The following FUT8 variants were observed in gnomAD, a reference collection of about 807,000 sequenced individuals.
The protein encoded by FUT8 is fucosyltransferase 8.
FUT8 carries 29 observed loss-of-function variants against 71.3 expected under a neutral mutation model. The ratio of observed to expected loss-of-function variants is 0.41; its 90% CI spans 0.30 to 0.55. The LOEUF is 0.55. Among genes scored for constraint, FUT8 ranks in the 20% least tolerant of loss-of-function variants. The pLI, the probability that FUT8 is intolerant of heterozygous loss-of-function variation, is 0.34. For missense variants in FUT8, 544 were observed against 702.1 expected, an observed-to-expected ratio of 0.77 and a Z score of 2.55; for synonymous variants, 254 against 239.3, an observed-to-expected ratio of 1.06 and a Z score of -0.57.
chr14:65,359,973 C>T, the FUT8 span, among the ~76,000 whole-genome samples: 1 of 152,172 alleles, frequency 6.6e-6, no homozygotes, highest in Non-Finnish European at 1.5e-5. Context: ...GCTGGGATTA[C>T]AGGCACACAC....
the FUT8 span, among the ~76,000 whole-genome samples, chr14:65,380,979 G>T: frequency 2.6e-3 from 393 of 152,304 alleles, no homozygotes; most frequent in African/African-American, 8.8e-3. Context: ...AACCTCAGCT[G>T]CCATCCACTG....
chr14:65,554,648 G>T (rs1227196816), intron 2 of FUT8, among the ~76,000 whole-genome samples: 2 of 151,876 alleles, frequency 1.3e-5, no homozygotes, highest in African/African-American at 2.4e-5. Flanking sequence ...TTGTTTTTTT[G>T]TTGTGATTGT....
intron 6 of FUT8, among the ~76,000 whole-genome samples, chr14:65,632,445 G>A (rs1236768284): frequency 6.6e-6 from 1 of 152,236 alleles, no homozygotes; most frequent in African/African-American, 2.4e-5. Context: ...GTATTGCACT[G>A]TGGTTTTGAT....
At chr14:65,677,176 A>G (rs61987766) in intron 7 of FUT8, among the ~76,000 whole-genome samples, 3,075 of 71,860 alleles carry the variant, frequency 0.043, 47 homozygotes, top group South Asian at 0.058. Flanking sequence ...GCGCGCACGT[A>G]TGTGTGTGCG....
At chr14:65,366,947 A>C in the FUT8 span, among the ~76,000 whole-genome samples, 2 of 152,348 alleles carry the variant, frequency 1.3e-5, no homozygotes, top group South Asian at 4.1e-4. Flanking sequence ...CTGGAAAAGA[A>C]AATGTAGAGA....
intron 1 of FUT8, among the ~76,000 whole-genome samples, chr14:65,453,665 A>T (rs987851297): frequency 2.6e-5 from 4 of 152,144 alleles, no homozygotes; most frequent in African/African-American, 9.7e-5. Context: ...TGGAACTCAG[A>T]TGTCTCCAAG....
intron 7 of FUT8, among the ~76,000 whole-genome samples, chr14:65,707,314 T>C (rs112935468): frequency 1.5e-4 from 23 of 152,352 alleles, no homozygotes; most frequent in African/African-American, 5.5e-4. Context: ...TTGAGAAATA[T>C]CTGTTCAGAT....
intron 7 of FUT8, among the ~76,000 whole-genome samples, chr14:65,697,027 C>T (rs890011246): frequency 1.3e-5 from 2 of 152,192 alleles, no homozygotes; most frequent in Non-Finnish European, 2.9e-5. Context: ...TACTTGCAAA[C>T]TCTCTGTAAT....
chr14:65,673,513 T>C (rs910338863), intron 7 of FUT8, among the ~76,000 whole-genome samples: 2 of 152,126 alleles, frequency 1.3e-5, no homozygotes, highest in Non-Finnish European at 2.9e-5. Context: ...TTGGAAGAAA[T>C]GATTTTTAAG....
chr14:65,648,945 T>C (rs1441906725), intron 6 of FUT8, among the ~76,000 whole-genome samples: 2 of 152,186 alleles, frequency 1.3e-5, no homozygotes, highest in Admixed American at 1.3e-4. Flanking sequence ...GATTTCAATT[T>C]GGAGAAGTAG....
At chr14:65,437,494 C>T (rs1325132981) in intron 1 of FUT8, among the ~76,000 whole-genome samples, 1 of 152,142 alleles carries the variant, frequency 6.6e-6, no homozygotes, top group Non-Finnish European at 1.5e-5. Flanking sequence ...ACTAACACCA[C>T]CACTGCCATC....
rs189822836 is a variant in FUT8, at chr14:65,523,727, A to C, written c.-227-37610A>C. On this transcript the variant is annotated intron_variant, in intron 2 of 10. Coordinates refer to ENST00000673929, the MANE Select transcript of FUT8 (RefSeq NM_001371533.1). ...TTTAGGTCTAACATTTAGGTCTTTA[A>C]TCCATCTTGAATTAATTTTTGTATA... Among the ~76,000 whole-genome samples the C allele has an allele frequency of 3.6e-3, 544 of 152,294 alleles. 2 individuals carry two copies. Among genetic ancestry groups the C allele is most frequent in the Non-Finnish European group, 6.0e-3 (409 of 68,022 alleles).
chr14:65,482,961 GT>G lies in FUT8; in HGVS notation c.-228+27247del, dbSNP rs1376678092. Among the ~76,000 whole-genome samples the G allele has an allele frequency of 3.3e-5, 5 of 152,262 alleles. No individual in the cohort carries two copies. The East Asian group carries it at 9.6e-4, about 29-fold the overall frequency. ...ACTCTACAGTTTCTGTAGGATGCAT[GT>G]TTTCACCATTATCAGGCTTCTGCAG... On this transcript the variant is annotated intron_variant, in intron 2 of 10. Transcript: ENST00000673929.
intron 6 of FUT8, among the ~76,000 whole-genome samples, chr14:65,641,055 G>A (rs999236702): frequency 1.6e-4 from 25 of 152,038 alleles, no homozygotes. Flanking sequence ...CATATTTAGA[G>A]TATACAATTT....
In FUT8 at chr14:65,677,472, A is replaced by G. The variant is rs184915911; in HGVS notation, c.835+7992A>G. 2.9e-3 allele frequency among the ~76,000 whole-genome samples: 445 copies of G among 152,262 alleles called. 5 individuals carry two copies. Among genetic ancestry groups the G allele is most frequent in the African/African-American group, 0.01 (422 of 41,560 alleles). ...AGCCATTAAACTTAATGCAGGTTATATTCTCTGGAAGCAAGAAATTGCAAC... is the reference window on the plus strand; with the variant it reads ...AGCCATTAAACTTAATGCAGGTTATGTTCTCTGGAAGCAAGAAATTGCAAC... On this transcript the variant is annotated intron_variant, in intron 7 of 10. Coordinates refer to ENST00000673929, the MANE Select transcript of FUT8 (RefSeq NM_001371533.1).
intron 6 of FUT8, among the ~76,000 whole-genome samples, chr14:65,668,576 T>C (rs1892324759): frequency 6.6e-6 from 1 of 152,132 alleles, no homozygotes; most frequent in Admixed American, 6.6e-5. Flanking sequence ...CATTTATACA[T>C]TGCCAGTGGA....
intron 7 of FUT8, among the ~76,000 whole-genome samples, chr14:65,696,106 A>G (rs774336514): frequency 1.3e-5 from 2 of 152,194 alleles, no homozygotes; most frequent in Non-Finnish European, 2.9e-5. Context: ...ATCACCAAAT[A>G]CATTGTTGCT....
intron 2 of FUT8, among the ~76,000 whole-genome samples, chr14:65,505,965 C>G (rs2066727187): frequency 6.6e-6 from 1 of 152,164 alleles, no homozygotes; most frequent in Non-Finnish European, 1.5e-5. Flanking sequence ...AAGATGTTAC[C>G]CTAGCTACTA....
chr14:65,547,245 A>C (rs1486516959), intron 2 of FUT8, among the ~76,000 whole-genome samples: 1 of 151,424 alleles, frequency 6.6e-6, no homozygotes, highest in Non-Finnish European at 1.5e-5. Flanking sequence ...TTTATATTAC[A>C]TTCATAGAGC....
Sources: gnomAD v4.1 joint callset for allele counts (sites outside exome capture counted in the v4.1 genomes callset) on GRCh38, gnomAD v4.1.1 for gene constraint, MANE v1.5 for transcripts, NCBI Gene and HGNC (gene_info 2026-07-23, HGNC 2026-07-21) for gene names.